Variants in ARL15 observed in about 807,000 individuals in gnomAD.
ARL15 encodes the protein ADP-ribosylation factor-like protein 15.
ARL15 carries 19 observed loss-of-function variants against 25.2 expected under a neutral mutation model. The ratio of observed to expected loss-of-function variants is 0.75; its 90% CI spans 0.53 to 1.10. The LOEUF (loss-of-function observed/expected upper bound fraction) is 1.10, where lower values mean the gene tolerates loss of function less well. Ranked by LOEUF, ARL15 falls within the 50% of genes least tolerant of loss-of-function variation. The pLI, the probability that ARL15 is intolerant of heterozygous loss-of-function variation, is 0.00. For missense variants in ARL15, 220 were observed against 246.0 expected, an observed-to-expected ratio of 0.89 and a Z score of 0.71; for synonymous variants, 94 against 86.8, an observed-to-expected ratio of 1.08 and a Z score of -0.46.
chr5:53,993,163 C>T (rs1319036055), intron 4 of ARL15, among the ~76,000 whole-genome samples: 1 of 152,158 alleles, frequency 6.6e-6, no homozygotes, highest in African/African-American at 2.4e-5. Flanking sequence ...TACACATTTT[C>T]GTCTAGGAAA....
chr5:54,302,147 A>C (rs942278451), intron 1 of ARL15, among the ~76,000 whole-genome samples: 3 of 152,236 alleles, frequency 2.0e-5, no homozygotes, highest in African/African-American at 7.2e-5. Flanking sequence ...AGGGCCTCTC[A>C]CAGGCAACCA....
intron 1 of ARL15, among the ~76,000 whole-genome samples, chr5:54,225,887 A>C (rs1338911947): frequency 2.6e-5 from 4 of 152,288 alleles, no homozygotes; most frequent in Admixed American, 6.6e-5. Flanking sequence ...AAAGGAAGCA[A>C]GATTACTAGC....
intron 1 of ARL15, among the ~76,000 whole-genome samples, chr5:54,181,251 G>A (rs1755047042): frequency 6.6e-6 from 1 of 152,052 alleles, no homozygotes; most frequent in Admixed American, 6.6e-5. Context: ...TTCTTACATT[G>A]TAATGGCTTG....
chr5:53,990,450 C>A (rs2111653621), intron 4 of ARL15, among the ~76,000 whole-genome samples: 1 of 152,238 alleles, frequency 6.6e-6, no homozygotes, highest in African/African-American at 2.4e-5. Context: ...AATACCAAAT[C>A]AATTTAAAGT....
chr5:54,095,218 T>C (rs946226809), intron 4 of ARL15, among the ~76,000 whole-genome samples: 2 of 152,100 alleles, frequency 1.3e-5, no homozygotes, highest in African/African-American at 4.8e-5. Context: ...ATAAGAGGTA[T>C]TAAAAAAAGG....
In ARL15 at chr5:54,253,895, G is replaced by C. The variant is rs181787428; in HGVS notation, c.48+56537C>G. Among the ~76,000 whole-genome samples the C allele has an allele frequency of 1.4e-4, 21 of 152,246 alleles. No individual in the cohort carries two copies. The East Asian group carries it at 2.3e-3, about 17-fold the overall frequency. On this transcript the variant is annotated intron_variant, in intron 1 of 4. Transcript: ENST00000504924. ...ATTAGCCACCATGCCCAGCCCAGAT[G>C]ATACATTATAAGTACCTACATAAGG...
At chr5:54,060,149 A>C (rs906166400) in intron 4 of ARL15, among the ~76,000 whole-genome samples, 150 of 150,766 alleles carry the variant, frequency 9.9e-4, no homozygotes, top group African/African-American at 3.5e-3. Context: ...AAAAAAAAAA[A>C]AAACCCCGGG....
chr5:53,915,859 G>A (rs1580076162), intron 4 of ARL15, among the ~76,000 whole-genome samples: 1 of 152,186 alleles, frequency 6.6e-6, no homozygotes, highest in East Asian at 1.9e-4. Context: ...GTTGGTTTTT[G>A]ATTTGTCAGG....
intron 1 of ARL15, among the ~76,000 whole-genome samples, chr5:54,196,065 T>C (rs74939943): frequency 6.6e-6 from 1 of 152,180 alleles, no homozygotes; most frequent in Admixed American, 6.6e-5. Flanking sequence ...AATGTCAGCA[T>C]AGAATTCTAT....
chr5:54,147,575 T>G (rs1375068282), intron 3 of ARL15, among the ~76,000 whole-genome samples: 1 of 152,184 alleles, frequency 6.6e-6, no homozygotes, highest in East Asian at 1.9e-4. Flanking sequence ...CTGCCTGTGA[T>G]TTACCTATAG....
chr5:54,130,591 C>G (rs559826172), intron 3 of ARL15, among the ~76,000 whole-genome samples: 1 of 152,280 alleles, frequency 6.6e-6, no homozygotes, highest in Admixed American at 6.5e-5. Flanking sequence ...ATTAGGAGAT[C>G]ATAGGCTATC....
At chr5:54,300,688 ATGT>A (rs968306552) in intron 1 of ARL15, among the ~76,000 whole-genome samples, 19 of 152,186 alleles carry the variant, frequency 1.2e-4, no homozygotes, top group African/African-American at 4.3e-4. Context: ...CAATTCTTAA[ATGT>A]TGTTAAATCC....
intron 1 of ARL15, among the ~76,000 whole-genome samples, chr5:54,177,391 T>G (rs1416061047): frequency 1.3e-5 from 2 of 152,048 alleles, no homozygotes; most frequent in African/African-American, 2.4e-5. Flanking sequence ...AGCAAACCCC[T>G]TAGAAATATG....
chr5:54,098,008 C>T (rs918629704), intron 4 of ARL15, among the ~76,000 whole-genome samples: 8 of 152,144 alleles, frequency 5.3e-5, no homozygotes, highest in South Asian at 2.1e-4. Flanking sequence ...AAAAGTACAA[C>T]GACCTTGCTG....
At chr5:53,997,556 T>C (rs1015301028) in intron 4 of ARL15, among the ~76,000 whole-genome samples, 1 of 152,150 alleles carries the variant, frequency 6.6e-6, no homozygotes, top group Non-Finnish European at 1.5e-5. Context: ...CTCAGCACCA[T>C]AGCATGAGAG....
rs141418840 is a variant in ARL15, at chr5:53,995,709, A to G, written c.463-108996T>C. On this transcript the variant is annotated intron_variant, in intron 4 of 4. Coordinates refer to ENST00000504924, the MANE Select transcript of ARL15 (RefSeq NM_019087.3). ...TGAGGATGCTCCTGGCATTTAAGAT[A>G]TGATAATTCTCCCTTTTCGGGGGTT... Among the ~76,000 whole-genome samples, 72 of 152,318 alleles carry G rather than the reference A, an allele frequency of 4.7e-4. 1 individual carries two copies. In the East Asian group the frequency reaches 0.013, roughly 28 times the overall value.
At chr5:54,256,056 A>C (rs1267652384) in intron 1 of ARL15, among the ~76,000 whole-genome samples, 2 of 152,090 alleles carry the variant, frequency 1.3e-5, no homozygotes, top group East Asian at 3.9e-4. Context: ...AGAAGGAAAA[A>C]AAAAAATAAC....
chr5:54,036,186 A>G (rs951517632), intron 4 of ARL15, among the ~76,000 whole-genome samples: 20 of 152,084 alleles, frequency 1.3e-4, no homozygotes, highest in African/African-American at 4.3e-4. Flanking sequence ...TTGATCAGAT[A>G]TAAGAAACAT....
intron 4 of ARL15, among the ~76,000 whole-genome samples, chr5:54,092,466 A>C (rs1017592987): frequency 3.3e-5 from 5 of 152,224 alleles, no homozygotes; most frequent in African/African-American, 1.2e-4. Context: ...AATTTTAAAA[A>C]AGCAAACAAA....
Sources: gnomAD v4.1 joint callset for allele counts (sites outside exome capture counted in the v4.1 genomes callset) on GRCh38, gnomAD v4.1.1 for gene constraint, MANE v1.5 for transcripts, NCBI Gene and HGNC (gene_info 2026-07-23, HGNC 2026-07-21) for gene names.